The following IGSF1 variants were observed in gnomAD, a reference collection of about 807,000 sequenced individuals.
IGSF1 encodes immunoglobulin superfamily member 1.
IGSF1 carries 40 observed loss-of-function variants against 95.3 expected under a neutral mutation model. That is an observed-to-expected ratio of 0.42 (90% CI 0.33 to 0.55). IGSF1 has a LOEUF of 0.55. IGSF1 is among the 20% of genes least tolerant of loss of function. The pLI is 0.10. For synonymous variants in IGSF1, 372 were observed against 382.9 expected, an observed-to-expected ratio of 0.97 and a Z score of 0.33; for missense variants, 906 against 1,025.4, an observed-to-expected ratio of 0.88 and a Z score of 1.59.
intron 8 of IGSF1, 44 bp downstream of exon 8, chrX:131,281,622 C>G (rs1057247403): frequency 9.4e-6 from 11 of 1,167,266 alleles, no homozygotes; most frequent in Middle Eastern, 2.4e-4. Flanking sequence ...ATCTGGGATC[C>G]CTGGGGTATG....
chrX:131,283,342 C>T, intron 5 of IGSF1, 78 bp from the exon 6 acceptor site: 1 of 898,146 alleles, frequency 1.1e-6, no homozygotes. Flanking sequence ...TTCTTAATTT[C>T]TTTGAACAAG....
At chrX:131,284,888 AATGAATGC>A (rs1196567586) in intron 5 of IGSF1, 1 of 751,191 alleles carries the variant, frequency 1.3e-6, no homozygotes, top group Non-Finnish European at 1.7e-6. Flanking sequence ...TGAATTAATG[AATGAATGC>A]ATGATATTCA....
At chrX:131,287,177 GTATA>G (rs58556447) in intron 1 of IGSF1, among the ~76,000 whole-genome samples, 2 of 98,189 alleles carry the variant, frequency 2.0e-5, no homozygotes, top group Non-Finnish European at 4.1e-5. Flanking sequence ...GTGTGTGTGT[GTATA>G]TATATATATA....
In IGSF1 at chrX:131,281,729, C is replaced by T. The variant is rs778724410; in HGVS notation, c.1462G>A (p.Val488Ile). 2.6e-5 allele frequency: 31 copies of T among 1,208,928 alleles called. No individual in the cohort carries two copies. Among genetic ancestry groups the T allele is most frequent in the South Asian group, 2.3e-4 (13 of 56,735 alleles). Residue 488 changes from valine to isoleucine, a missense_variant, in exon 8 of 20, where the codon GTA becomes ATA. Physicochemically the swap from Val to Ile is conservative, Grantham distance 29 (BLOSUM62 3). Coordinates refer to ENST00000361420, the MANE Select transcript of IGSF1 (RefSeq NM_001555.5). ...GTGTYSCSYR[V>I]ETHPNIWSHR... ...GACCAGATGTTAGGATGTGTCTCTA[C>T]GCGATAGCTGCAACTGTAGGTCCCT... is the stretch of plus-strand genomic sequence containing the variant.
Position 131,285,982 on chromosome X carries a change from G to T in IGSF1, c.164C>A (p.Thr55Lys). The change falls in exon 4 of 20, where the codon ACG (threonine) becomes AAG (lysine). Residue 55 changes from threonine to lysine, a missense_variant. By Grantham distance (78) the Thr-to-Lys change is moderately conservative (BLOSUM62 -1). This residue lies in a region of IGSF1 where 442 missense variants were observed against 448.1 expected (regional missense o/e 0.99). Coordinates refer to ENST00000361420, the MANE Select transcript of IGSF1 (RefSeq NM_001555.5). ...CCGAGAGGGGCTTCGGCACCAAAGC[G>T]TGATGTTCTCCCAAGGGGCCTGGGG... is the stretch of plus-strand genomic sequence containing the variant. The part of the protein sequence containing the change: ...NYPQAPWENI[T>K]LWCRSPSRIS... The T allele has an allele frequency of 8.3e-7, 1 of 1,210,478 alleles. No individual in the cohort carries two copies. Among genetic ancestry groups the T allele is most frequent in the South Asian group, 1.8e-5 (1 of 56,919 alleles).
rs2080455579 is a variant in IGSF1 at position 131,274,759 on chromosome X, A to G, written c.3591T>C (p.Asp1197=). 1 of 1,211,538 alleles carries G rather than the reference A, an allele frequency of 8.3e-7. No homozygotes were observed. Among genetic ancestry groups the G allele is most frequent in the African/African-American group, 1.7e-5 (1 of 57,741 alleles). The change falls in exon 18 of 20, where the codon GAT becomes GAC. Residue 1197 remains aspartate, a synonymous_variant. Transcript: ENST00000361420. ...LPGVEFVLEH[D]GEEAPQQFSE... ...AAAACTGCTGAGGTGCTTCTTCTCCATCATGTTCTAGGACAAATTCAACAC... is the reference window on the plus strand; with the variant it reads ...AAAACTGCTGAGGTGCTTCTTCTCCGTCATGTTCTAGGACAAATTCAACAC...
chrX:131,285,207 G>A lies in IGSF1; in HGVS notation c.639C>T (p.Pro213=), dbSNP rs139790331. Residue 213 remains proline, a synonymous_variant, in exon 5 of 20, where the codon CCC becomes CCT. Transcript: ENST00000361420. ...CTACAACCAGCTTCAGGGGGTTGCT[G>A]GGCTCTGACCACAGGGTGGGGAGCA... ...IQMLPTLWSE[P]SNPLKLVVAG... is the part of the protein sequence containing the mutation. 5 of 1,200,407 alleles carry A rather than the reference G, an allele frequency of 4.2e-6. No homozygotes were observed. In the Admixed American group the frequency reaches 8.8e-5, roughly 21 times the overall value.
At chrX:131,274,337 G>T (rs1469051220) in intron 18 of IGSF1, 131 bp from the exon 19 acceptor site, 9 of 881,107 alleles carry the variant, frequency 1.0e-5, no homozygotes, top group South Asian at 7.4e-5. Flanking sequence ...GACTACAGAG[G>T]GGGTGGGCAG....
Position 131,285,209 on chromosome X carries a change from G to A in IGSF1, c.637C>T (p.Pro213Ser), listed in dbSNP as rs1320029504. The A allele has an allele frequency of 1.7e-6, 2 of 1,203,329 alleles. No homozygotes were observed. The highest frequency in any genetic ancestry group is 2.2e-5 in the Admixed American group (1 of 45,634). The change falls in exon 5 of 20, where the codon CCC (proline) becomes TCC (serine). Residue 213 changes from proline (P) to serine (S), a missense_variant. Physicochemically the swap from Pro to Ser is moderately conservative, Grantham distance 74 (BLOSUM62 -1). Around this residue, in one of 5 missense-constraint regions of IGSF1, gnomAD observed 442 missense variants for 448.1 expected, o/e 0.99. Coordinates refer to ENST00000361420, the MANE Select transcript of IGSF1 (RefSeq NM_001555.5). ...IQMLPTLWSE[P>S]SNPLKLVVAG... is the part of the protein sequence containing the mutation. ...ACAACCAGCTTCAGGGGGTTGCTGG[G>A]CTCTGACCACAGGGTGGGGAGCATC...
intron 3 of IGSF1, 87 bp from the exon 4 acceptor site, chrX:131,286,135 C>G (rs967072270): frequency 4.6e-6 from 4 of 877,635 alleles, no homozygotes; most frequent in Non-Finnish European, 6.4e-6. Context: ...AAAATTAGCC[C>G]GGACCCAGAT....
At position 131,283,202 on chromosome X, in the gene IGSF1, G is replaced by A; in HGVS notation, c.730C>T (p.Leu244=). Residue 244 remains leucine, a synonymous_variant, in exon 6 of 20, where the codon CTG becomes TTG. Transcript: ENST00000361420. ...PGPIMAPGES[L]NLRCQGPIYG... is the part of the protein sequence containing the mutation. ...ATTGGCCCTTGGCACCTGAGATTCA[G>A]GCTTTCTCCAGGTGCCATGATGGGC... 1.7e-6 allele frequency: 2 copies of A among 1,210,552 alleles called. No homozygotes were observed. The highest frequency in any genetic ancestry group is 2.2e-6 in the Non-Finnish European group (2 of 894,139).
chrX:131,273,858 G>A lies in IGSF1; in HGVS notation c.3949C>T (p.Pro1317Ser), dbSNP rs373560620. Reference sequence around the variant, plus strand: ...GAGGTTGATGAAGGAGAATTGGCAGGGGTGCCTGGTTCTCCTTCTTGGTTA... The same window carrying A: ...GAGGTTGATGAAGGAGAATTGGCAGAGGTGCCTGGTTCTCCTTCTTGGTTA... ...ECNQEGEPGT[P>S]ANSPSSTSQR... The change falls in exon 20 of 20, where the codon CCT (proline) becomes TCT (serine). Residue 1317 changes from proline to serine, a missense_variant. Transcript: ENST00000361420. 8.3e-7 allele frequency: 1 copy of A among 1,206,093 alleles called. No homozygotes were observed. Among genetic ancestry groups the A allele is most frequent in the African/African-American group, 1.8e-5 (1 of 56,929 alleles).
chrX:131,280,806 G>A (rs1486862975), intron 9 of IGSF1, among the ~76,000 whole-genome samples: 2 of 111,774 alleles, frequency 1.8e-5, no homozygotes, highest in Non-Finnish European at 3.8e-5. Context: ...TGAGAGCTAG[G>A]GATAAGGGTG....
intron 5 of IGSF1, chrX:131,284,073 T>C (rs966070914): frequency 1.5e-6 from 1 of 652,030 alleles, no homozygotes; most frequent in Non-Finnish European, 1.8e-6. Flanking sequence ...GAATCTATGC[T>C]GAAAGGGCAT....
intron 9 of IGSF1, among the ~76,000 whole-genome samples, chrX:131,280,381 T>C (rs1024350951): frequency 9.0e-6 from 1 of 111,667 alleles, no homozygotes; most frequent in African/African-American, 3.3e-5. Context: ...CCATTGTGCA[T>C]TGAATACTTC....
chrX:131,274,704 C>T lies in IGSF1; in HGVS notation c.3646G>A (p.Val1216Ile), dbSNP rs759059710. 26 of 1,209,903 alleles carry T rather than the reference C, an allele frequency of 2.1e-5. No homozygotes were observed. The highest frequency in any genetic ancestry group is 2.3e-4 in the Middle Eastern group (1 of 4,373). ...SEDGDFVINN[V>I]EGKGIGNYSC... is the part of the protein sequence containing the mutation. ...TAGTTTCCAATGCCTTTTCCTTCTACGTTGTTGATGACAAAGTCTCCATCC... is the reference window on the plus strand; with the variant it reads ...TAGTTTCCAATGCCTTTTCCTTCTATGTTGTTGATGACAAAGTCTCCATCC... The change falls in exon 18 of 20, where the codon GTA becomes ATA. Residue 1216 changes from valine (V) to isoleucine (I), a missense_variant. Transcript: ENST00000361420.
At chrX:131,284,623 A>G (rs2080606929) in intron 5 of IGSF1, 1 of 751,176 alleles carries the variant, frequency 1.3e-6, no homozygotes, top group Non-Finnish European at 1.6e-6. Context: ...TTCTATATTT[A>G]GAGATTGGTG....
At chrX:131,276,832 C>T (rs1025492012) in intron 14 of IGSF1, 107 bp downstream of exon 14, 10 of 782,779 alleles carry the variant, frequency 1.3e-5, no homozygotes, top group East Asian at 3.2e-5. Context: ...GTCCTAAGCA[C>T]GTTCTCAGTG....
chrX:131,288,886 C>T (rs1246892696), intron 1 of IGSF1: 18 of 198,861 alleles, frequency 9.1e-5, no homozygotes, highest in Non-Finnish European at 1.6e-4. Flanking sequence ...ATGGCTCGCC[C>T]CCTGCATAGC....
Sources: gnomAD v4.1 joint callset for allele counts (sites outside exome capture counted in the v4.1 genomes callset) on GRCh38, gnomAD v4.1.1 for gene constraint, gnomAD v4.1.1 regional missense constraint, MANE v1.5 for transcripts, NCBI Gene and HGNC (gene_info 2026-07-23, HGNC 2026-07-21) for gene names.